SH3GL3: variants seen among roughly 807,000 people sequenced by gnomAD.
SH3GL3 encodes endophilin-A3.
SH3GL3 carries 33 observed loss-of-function variants against 47.7 expected under a neutral mutation model. The ratio of observed to expected loss-of-function variants is 0.69; its 90% CI spans 0.52 to 0.92. The LOEUF (loss-of-function observed/expected upper bound fraction) is 0.92. Ranked by LOEUF, SH3GL3 falls within the 40% of genes least tolerant of loss-of-function variation. The pLI, the probability that SH3GL3 is intolerant of heterozygous loss-of-function variation, is 0.00. For missense variants in SH3GL3, 363 were observed against 417.8 expected (o/e 0.87, Z 1.14); for synonymous variants, 155 against 148.8 (o/e 1.04, Z -0.30).
intron 1 of SH3GL3, among the ~76,000 whole-genome samples, chr15:83,513,614 T>G (rs935671366): frequency 6.6e-6 from 1 of 152,194 alleles, no homozygotes; most frequent in Non-Finnish European, 1.5e-5. Context: ...ACTTCCCTCA[T>G]GCTCCACCGC....
At chr15:83,572,757 A>C (rs752323905) in intron 5 of SH3GL3, 59 bp downstream of exon 5, 17 of 1,280,846 alleles carry the variant, frequency 1.3e-5, no homozygotes, top group Admixed American at 1.9e-5. Flanking sequence ...TTATATTTAA[A>C]ATCACTAGAA....
intron 6 of SH3GL3, 34 bp from the exon 7 acceptor site, chr15:83,586,949 G>A (rs2059970410): frequency 1.7e-6 from 2 of 1,201,678 alleles, no homozygotes; most frequent in Non-Finnish European, 2.4e-6. Context: ...ACAGGCTCGG[G>A]CCTCCATGGA....
chr15:83,608,253 T>C (rs181398828), intron 8 of SH3GL3, among the ~76,000 whole-genome samples: 14 of 152,350 alleles, frequency 9.2e-5, no homozygotes, highest in Non-Finnish European at 1.6e-4. Context: ...TCATTGACTT[T>C]TACTAGATTT....
At chr15:83,633,286 T>A in the SH3GL3 span, among the ~76,000 whole-genome samples, 1 of 152,196 alleles carries the variant, frequency 6.6e-6, no homozygotes, top group Non-Finnish European at 1.5e-5. Flanking sequence ...TAACCCAGTA[T>A]CCCCATTTTT....
intron 8 of SH3GL3, among the ~76,000 whole-genome samples, chr15:83,589,647 G>A (rs557609263): frequency 3.3e-5 from 5 of 152,202 alleles, no homozygotes; most frequent in Admixed American, 3.3e-4. Context: ...GAAGTGCTGG[G>A]ATTATAGGCA....
intron 1 of SH3GL3, among the ~76,000 whole-genome samples, chr15:83,491,394 C>T (rs192668391): frequency 6.6e-6 from 1 of 152,288 alleles, no homozygotes; most frequent in East Asian, 1.9e-4. Flanking sequence ...GTTAGCATTC[C>T]CTCAAGAGTC....
At chr15:83,565,031 C>A (rs536822525) in intron 2 of SH3GL3, 103 bp from the exon 3 acceptor site, 4 of 548,112 alleles carry the variant, frequency 7.3e-6, no homozygotes, top group Non-Finnish European at 1.3e-5. Flanking sequence ...TCATCATAAT[C>A]GTGTTAGAAG....
At chr15:83,571,742 T>C (rs985665244) in intron 4 of SH3GL3, among the ~76,000 whole-genome samples, 1 of 152,194 alleles carries the variant, frequency 6.6e-6, no homozygotes, top group Non-Finnish European at 1.5e-5. Flanking sequence ...AATCTCCATC[T>C]TTTTACAAGA....
At chr15:83,481,943 A>G (rs777160113) in intron 1 of SH3GL3, among the ~76,000 whole-genome samples, 1 of 152,192 alleles carries the variant, frequency 6.6e-6, no homozygotes, top group African/African-American at 2.4e-5. Flanking sequence ...TTAAAAGAAG[A>G]TGGCACTAAA....
chr15:83,538,084 G>T (rs2043999102), intron 1 of SH3GL3, among the ~76,000 whole-genome samples: 1 of 152,168 alleles, frequency 6.6e-6, no homozygotes, highest in Non-Finnish European at 1.5e-5. Flanking sequence ...CATTTAGCGT[G>T]CAGGGAGTAC....
At chr15:83,498,521 G>A (rs1357260404) in intron 1 of SH3GL3, among the ~76,000 whole-genome samples, 3 of 152,086 alleles carry the variant, frequency 2.0e-5, no homozygotes, top group Non-Finnish European at 4.4e-5. Flanking sequence ...TTCATTCAAC[G>A]CTTCTGAGTA....
At chr15:83,524,162 C>T (rs2151659256) in intron 1 of SH3GL3, among the ~76,000 whole-genome samples, 1 of 152,236 alleles carries the variant, frequency 6.6e-6, no homozygotes, top group East Asian at 1.9e-4. Flanking sequence ...AGCCTTGCAG[C>T]CCTGCAAGTT....
At chr15:83,507,696 T>A (rs1299546048) in intron 1 of SH3GL3, among the ~76,000 whole-genome samples, 1 of 151,998 alleles carries the variant, frequency 6.6e-6, no homozygotes, top group Non-Finnish European at 1.5e-5. Flanking sequence ...ATTACAGGAG[T>A]GAGCCACCGC....
At chr15:83,577,091 A>T (rs2059703056) in intron 6 of SH3GL3, among the ~76,000 whole-genome samples, 2 of 151,954 alleles carry the variant, frequency 1.3e-5, no homozygotes, top group South Asian at 4.2e-4. Flanking sequence ...TTGTATTTTT[A>T]GTAGAGATAG....
chr15:83,518,650 G>T (rs1423863943), intron 1 of SH3GL3, among the ~76,000 whole-genome samples: 1 of 152,164 alleles, frequency 6.6e-6, no homozygotes, highest in Non-Finnish European at 1.5e-5. Flanking sequence ...ACCTTTGTTG[G>T]ATGCATAGTT....
At chr15:83,514,569 A>C (rs539119879) in intron 1 of SH3GL3, among the ~76,000 whole-genome samples, 67 of 152,336 alleles carry the variant, frequency 4.4e-4, no homozygotes, top group African/African-American at 1.6e-3. Context: ...TAAACCAGAC[A>C]TTATTTCAAA....
chr15:83,631,788 C>T, the SH3GL3 span, among the ~76,000 whole-genome samples: 1 of 152,178 alleles, frequency 6.6e-6, no homozygotes, highest in Non-Finnish European at 1.5e-5. Context: ...GGAGGGGCTG[C>T]CATGAAGGTC....
chr15:83,482,683 C>T lies in SH3GL3; in HGVS notation c.45+35105C>T, dbSNP rs184678704. The stretch of plus-strand genomic sequence containing the variant: ...TAACTTTTTGTATTTTTAGTAGAGG[C>T]GAGTTTTCATCATGGCCAGGGTGGT... On this transcript the variant is annotated intron_variant, in intron 1 of 8. Transcript: ENST00000427482. Among the ~76,000 whole-genome samples, 952 of 151,914 alleles carry T rather than the reference C, an allele frequency of 6.3e-3. 5 individuals carry two copies. Among genetic ancestry groups the T allele is most frequent in the South Asian group, 0.012 (56 of 4,782 alleles).
intron 2 of SH3GL3, among the ~76,000 whole-genome samples, chr15:83,564,364 T>A (rs1204026832): frequency 6.6e-6 from 1 of 152,252 alleles, no homozygotes; most frequent in African/African-American, 2.4e-5. Flanking sequence ...CAAATAGGTG[T>A]TGTGAATTTC....
Sources: gnomAD v4.1 joint callset for allele counts (sites outside exome capture counted in the v4.1 genomes callset) on GRCh38, gnomAD v4.1.1 for gene constraint, MANE v1.5 for transcripts, NCBI Gene and HGNC (gene_info 2026-07-23, HGNC 2026-07-21) for gene names.